Variants in SETX observed in about 807,000 individuals in gnomAD.
The protein encoded by SETX is helicase senataxin.
In SETX, 90 loss-of-function variants were observed where a neutral mutation model predicts 227.2. The ratio of observed to expected loss-of-function variants is 0.40; its 90% confidence interval spans 0.33 to 0.47. SETX has a LOEUF of 0.47. Among genes scored for constraint, SETX ranks in the 20% least tolerant of loss-of-function variants. The pLI is 0.91. For synonymous variants in SETX, 1,210 were observed against 1,113.2 expected, an observed-to-expected ratio of 1.09 and a Z score of -1.73; for missense variants, 3,052 against 3,181.5, an observed-to-expected ratio of 0.96 and a Z score of 0.98.
intron 10 of SETX, among the ~76,000 whole-genome samples, chr9:132,324,606 C>T (rs1389721612): frequency 2.6e-5 from 4 of 152,178 alleles, no homozygotes; most frequent in Non-Finnish European, 4.4e-5. Context: ...AGTGCCCTGT[C>T]CCCTTTGTTC....
intron 2 of SETX, among the ~76,000 whole-genome samples, chr9:132,351,840 G>C (rs898469985): frequency 7.2e-5 from 11 of 152,276 alleles, no homozygotes; most frequent in Non-Finnish European, 1.2e-4. Flanking sequence ...AATCATTAGT[G>C]AATGACAAAT....
rs976001591 is a variant in SETX, at chr9:132,327,646, C to G, written c.3952G>C (p.Gly1318Arg). ...GTCTTTTTTCGGGTATCAACTACTC[C>G]AACAGTTTTGCCATGATCACGTAAT... ...AQLRDHGKTVGVVDTRKKTKL... is the reference protein window; with the variant it reads ...AQLRDHGKTVRVVDTRKKTKL... Residue 1318 changes from glycine to arginine, a missense_variant, in exon 10 of 26, where the codon GGA (glycine) becomes CGA (arginine). This residue lies in a region of SETX where 1,483 missense variants were observed against 1,312.0 expected (regional missense o/e 1.13). Coordinates refer to ENST00000224140, the MANE Select transcript of SETX (RefSeq NM_015046.7). 6.2e-7 allele frequency: 1 copy of G among 1,613,754 alleles called. No homozygotes were observed. The highest frequency in any genetic ancestry group is 8.5e-7 in the Non-Finnish European group (1 of 1,179,960).
At chr9:132,265,827 C>T (rs1017957577) in intron 25 of SETX, among the ~76,000 whole-genome samples, 1 of 152,130 alleles carries the variant, frequency 6.6e-6, no homozygotes, top group Non-Finnish European at 1.5e-5. Flanking sequence ...TTTCAGAAAG[C>T]AAACTTCTGA....
At chr9:132,355,823 C>T (rs983198395), upstream of SETX, among the ~76,000 whole-genome samples, 1 of 151,958 alleles carries the variant, frequency 6.6e-6, no homozygotes, top group African/African-American at 2.4e-5. Flanking sequence ...TCCGTCTCTA[C>T]TAAAAATAAA....
At chr9:132,306,038 T>C (rs1313016544) in intron 11 of SETX, among the ~76,000 whole-genome samples, 1 of 152,152 alleles carries the variant, frequency 6.6e-6, no homozygotes, top group Non-Finnish European at 1.5e-5. Context: ...AAAAATCAAT[T>C]CCTCCAAAGC....
Position 132,264,636 on chromosome 9 carries a change from C to G in SETX, c.7637G>C (p.Gly2546Ala), listed in dbSNP as rs1842547874. ...GAATATTCCTCCTTTGACCTCAATG[C>G]CCATCCTCTTCAGCAGTCGTGGGTC... ...LQDPRLLKRM[G>A]IEVKGGIFLW... Residue 2546 changes from glycine (G) to alanine (A), a missense_variant, in exon 26 of 26, where the codon GGC becomes GCC. By Grantham distance (60) the Gly-to-Ala change is moderately conservative. Around this residue, in one of 10 missense-constraint regions of SETX, gnomAD observed 294 missense variants for 278.8 expected, o/e 1.05. Transcript: ENST00000224140. 1.2e-6 allele frequency: 2 copies of G among 1,614,094 alleles called. No individual in the cohort carries two copies. The highest frequency in any genetic ancestry group is 1.7e-6 in the Non-Finnish European group (2 of 1,180,038).
chr9:132,321,179 AC>A (rs1846305111), intron 10 of SETX, among the ~76,000 whole-genome samples: 1 of 152,144 alleles, frequency 6.6e-6, no homozygotes, highest in Non-Finnish European at 1.5e-5. Context: ...AAAATATGTG[AC>A]GATTCTTTTT....
chr9:132,318,920 C>T (rs1846162324), intron 10 of SETX, among the ~76,000 whole-genome samples: 1 of 152,198 alleles, frequency 6.6e-6, no homozygotes, highest in Admixed American at 6.5e-5. Flanking sequence ...CTATTTCCTT[C>T]CCATCCCAAG....
chr9:132,277,003 G>T, intron 22 of SETX, 57 bp downstream of exon 22: 1 of 1,395,282 alleles, frequency 7.2e-7, no homozygotes, highest in Non-Finnish European at 1.0e-6. Flanking sequence ...AAATATGAAT[G>T]CAAATCATGT....
chr9:132,269,371 A>G (rs1842790926), intron 25 of SETX: 1 of 1,446,062 alleles, frequency 6.9e-7, no homozygotes, highest in African/African-American at 1.4e-5. Context: ...CAATAATCCT[A>G]TGATGTGGAT....
chr9:132,335,445 A>G (rs1403758192), intron 6 of SETX, among the ~76,000 whole-genome samples: 1 of 149,746 alleles, frequency 6.7e-6, no homozygotes, highest in Non-Finnish European at 1.5e-5. Context: ...GGACTTGTAA[A>G]CAATGCTGTC....
Position 132,286,805 on chromosome 9 carries a change from G to C in SETX, c.6325-311C>G, listed in dbSNP as rs571796982. Among the ~76,000 whole-genome samples the C allele has an allele frequency of 2.0e-5, 3 of 152,362 alleles. No homozygotes were observed. In the East Asian group the frequency reaches 5.8e-4, roughly 29 times the overall value. On this transcript the variant is annotated intron_variant, in intron 17 of 25. Transcript: ENST00000224140. ...CACCCCAACCATTCCTCTGGCCACA[G>C]TGATGGGCATCTAACACAGGCCTGG...
rs763148988 is a variant in SETX, at chr9:132,283,458, C to G, written c.6397-45G>C. 1.9e-6 allele frequency: 3 copies of G among 1,609,376 alleles called. No homozygotes were observed. The African/African-American group carries it at 4.0e-5, about 22-fold the overall frequency. On this transcript the variant is annotated intron_variant, in intron 18 of 25. Transcript: ENST00000224140. ...ATCAATATTCAGCTGTACATCAATC[C>G]TTGACTATGACAGGCCTATGTTTAC... is the stretch of plus-strand genomic sequence containing the variant.
intron 24 of SETX, among the ~76,000 whole-genome samples, chr9:132,270,372 C>G (rs1391637963): frequency 1.3e-5 from 2 of 151,558 alleles, no homozygotes; most frequent in Non-Finnish European, 2.9e-5. Context: ...ATGTGAGACA[C>G]AGATGGACTC....
rs1248050690 is a variant in SETX at position 132,278,265 on chromosome 9, G to A, written c.6655-8C>T. On this transcript the variant is annotated splice_region_variant and splice_polypyrimidine_tract_variant and intron_variant, in intron 20 of 25. Coordinates refer to ENST00000224140, the MANE Select transcript of SETX (RefSeq NM_015046.7). ...GCCATACTCCTGTGCTTTCTGTGAGGGGCAAAATAAAGCAACAGTTTCCAA... is the reference window on the plus strand; with the variant it reads ...GCCATACTCCTGTGCTTTCTGTGAGAGGCAAAATAAAGCAACAGTTTCCAA... 23 of 1,613,628 alleles carry A rather than the reference G, an allele frequency of 1.4e-5. No individual in the cohort carries two copies. Among genetic ancestry groups the A allele is most frequent in the Non-Finnish European group, 1.7e-5 (20 of 1,179,872 alleles).
chr9:132,298,821 G>A (rs970062544), intron 12 of SETX, among the ~76,000 whole-genome samples: 2 of 152,132 alleles, frequency 1.3e-5, no homozygotes, highest in Non-Finnish European at 2.9e-5. Flanking sequence ...AGAGTAAAAC[G>A]GGGCTACATT....
intron 4 of SETX, among the ~76,000 whole-genome samples, chr9:132,344,386 C>T (rs1848171880): frequency 2.0e-5 from 3 of 152,170 alleles, no homozygotes; most frequent in South Asian, 4.1e-4. Flanking sequence ...GTTAAATTTT[C>T]TTTTTTGTAG....
chr9:132,294,546 T>TA (rs907433312), intron 15 of SETX, among the ~76,000 whole-genome samples: 1 of 152,186 alleles, frequency 6.6e-6, no homozygotes, highest in Non-Finnish European at 1.5e-5. Context: ...TACGTGTAGG[T>TA]AATACATATG....
chr9:132,349,802 C>A (rs1347147293), intron 2 of SETX, among the ~76,000 whole-genome samples: 1 of 152,158 alleles, frequency 6.6e-6, no homozygotes, highest in Admixed American at 6.5e-5. Context: ...TTACCAACTA[C>A]AAACTTAAGT....
Sources: allele counts gnomAD v4.1 joint callset (sites outside exome capture counted in the v4.1 genomes callset), GRCh38; gene constraint gnomAD v4.1.1; regional missense constraint gnomAD v4.1.1; transcripts MANE v1.5; gene names NCBI Gene and HGNC (gene_info 2026-07-23, HGNC 2026-07-21).